DHRS4: variants seen among roughly 807,000 people sequenced by gnomAD.
DHRS4 encodes dehydrogenase/reductase SDR family member 4.
DHRS4 carries 20 observed loss-of-function variants against 28.4 expected under a neutral mutation model. The ratio of observed to expected loss-of-function variants is 0.71; its 90% confidence interval spans 0.50 to 1.02. The LOEUF is 1.02. DHRS4 is among the 50% of genes least tolerant of loss of function. The pLI is 0.00. For synonymous variants in DHRS4, 144 were observed against 146.4 expected, an observed-to-expected ratio of 0.98 and a Z score of 0.12; for missense variants, 378 against 367.2, an observed-to-expected ratio of 1.03 and a Z score of -0.24.
chr14:23,954,386 T>A (rs1179475787), intron 1 of DHRS4, among the ~76,000 whole-genome samples: 1 of 152,200 alleles, frequency 6.6e-6, no homozygotes, highest in Non-Finnish European at 1.5e-5. Context: ...TCGAGATTTT[T>A]GTTTAGGTCG....
In DHRS4 at chr14:23,967,396, G is replaced by A. The variant is rs1289993277; in HGVS notation, c.722+130G>A. 1.5e-5 allele frequency: 19 copies of A among 1,241,950 alleles called. No individual in the cohort carries two copies. The African/African-American group carries it at 1.6e-4, about 11-fold the overall frequency. The allele number at this position is 1,241,950 out of a possible 1,614,324, so 76.9% of individuals were successfully genotyped here. ...GGCTCTCTTCTGCCTCACAGACCAC[G>A]AATTCATAAACACTATCACTACAGT... On this transcript the variant is annotated intron_variant, in intron 7 of 7. Transcript: ENST00000313250.
At chr14:23,958,596 T>C (rs1265377575) in intron 2 of DHRS4, among the ~76,000 whole-genome samples, 1 of 152,220 alleles carries the variant, frequency 6.6e-6, no homozygotes, top group Admixed American at 6.5e-5. Flanking sequence ...GAATCTTTCA[T>C]GCCTCCAGGT....
chr14:23,967,145 C>G (rs2033656471), intron 6 of DHRS4, 66 bp from the exon 7 acceptor site: 2 of 1,551,426 alleles, frequency 1.3e-6, no homozygotes, highest in African/African-American at 2.8e-5. Context: ...AAGAGCAAGA[C>G]TCCGTCTCTA....
At chr14:23,961,787 G>A (rs77020403) in intron 3 of DHRS4, among the ~76,000 whole-genome samples, 55,238 of 109,396 alleles carry the variant, frequency 0.5, 17,270 homozygotes, top group African/African-American at 0.85. Flanking sequence ...TATTGGGATT[G>A]CAGGCATGAG....
rs377709673 is a variant in DHRS4 at position 23,967,256 on chromosome 14, C to A, written c.712C>A (p.Arg238=). 68 of 1,612,426 alleles carry A rather than the reference C, an allele frequency of 4.2e-5. No homozygotes were observed. The highest frequency in any genetic ancestry group is 2.2e-4 in the East Asian group (10 of 44,856). Residue 238 remains arginine, a synonymous_variant, in exon 7 of 8, where the codon CGG becomes AGG. Coordinates refer to ENST00000313250, the MANE Select transcript of DHRS4 (RefSeq NM_021004.4). ...AGAGGAAAGCATGAAAGAAACCCTG[C>A]GGATAAGAAGGTAAACTGTCATGAG... ...EKEESMKETL[R]IRRLGEPEDC...
At chr14:23,966,125 C>T (rs550469897) in intron 5 of DHRS4, 142 bp downstream of exon 5, 16 of 1,590,890 alleles carry the variant, frequency 1.0e-5, no homozygotes, top group East Asian at 4.5e-5. Context: ...CTTGCCTCCA[C>T]AAACCACAAC....
At chr14:23,968,643 C>G (rs1450705215) in intron 7 of DHRS4, 114 bp from the exon 8 acceptor site, 11 of 1,536,166 alleles carry the variant, frequency 7.2e-6, no homozygotes, top group Middle Eastern at 1.7e-4. Context: ...TACACTGACC[C>G]TGAAAAAGCC....
chr14:23,961,170 A>C (rs1264087442), intron 3 of DHRS4, among the ~76,000 whole-genome samples: 1 of 148,536 alleles, frequency 6.7e-6, no homozygotes, highest in Non-Finnish European at 1.5e-5. Flanking sequence ...ACTATATCAG[A>C]TGTCATCAAA....
intron 1 of DHRS4, chr14:23,954,166 T>G: frequency 7.7e-6 from 4 of 521,830 alleles, no homozygotes; most frequent in African/African-American, 1.9e-5. Context: ...CCTATCGATC[T>G]AGTCTCCCCA....
rs1885808 is a variant in DHRS4 at position 23,965,908 on chromosome 14, T to C, written c.480-24T>C. 8,733 of 1,595,870 alleles carry C rather than the reference T, an allele frequency of 5.5e-3. 162 individuals carry two copies. In the African/African-American group the frequency reaches 0.11, roughly 19 times the overall value. ...AGGGCACTGGTCCACAATGGGAAGA[T>C]GGTCAGCTCTCTTCTTTTTCCAGAG... On this transcript the variant is annotated intron_variant, in intron 4 of 7. Transcript: ENST00000313250.
chr14:23,954,581 T>C (rs2033011620), intron 1 of DHRS4, among the ~76,000 whole-genome samples: 2 of 152,242 alleles, frequency 1.3e-5, no homozygotes, highest in African/African-American at 4.8e-5. Flanking sequence ...AATATTTACA[T>C]TTTTGACCGG....
In DHRS4 at chr14:23,968,947, T is replaced by A. The variant is rs749048860; in HGVS notation, c.*76T>A. ...GTTCCCGCATTCACCCACTGGCCTT[T>A]CCCACCTCTGCTCACCTTACTGTTC... On this transcript the variant is annotated 3_prime_UTR_variant, in exon 8 of 8. Coordinates refer to ENST00000313250, the MANE Select transcript of DHRS4 (RefSeq NM_021004.4). The A allele has an allele frequency of 2.8e-4, 437 of 1,574,050 alleles. 7 individuals are homozygous for A. Among genetic ancestry groups the A allele is most frequent in the Non-Finnish European group, 3.6e-4 (419 of 1,159,744 alleles).
Position 23,961,704 on chromosome 14 carries a change from G to A in DHRS4, c.408+1701G>A, listed in dbSNP as rs1160845684. On this transcript the variant is annotated intron_variant, in intron 3 of 7. Transcript: ENST00000313250. ...TGGCTAATTTTTTGTATTGAGATGC[G>A]GTTTCACTGTGTTGCTCAGGCTGGT... 4.5e-5 allele frequency among the ~76,000 whole-genome samples: 4 copies of A among 87,962 alleles called. 1 individual carries two copies. The highest frequency in any genetic ancestry group is 4.3e-4 in the Admixed American group (4 of 9,354). The allele number at this position is 87,962 out of a possible 152,430, so 57.7% of individuals were successfully genotyped here.
At chr14:23,963,438 C>T (rs554197881) in intron 3 of DHRS4, among the ~76,000 whole-genome samples, 1 of 142,096 alleles carries the variant, frequency 7.0e-6, no homozygotes, top group African/African-American at 2.8e-5. Flanking sequence ...GCTGCTTCAT[C>T]TTGCACTTTT....
At chr14:23,967,584 G>A in intron 7 of DHRS4, 1 of 558,480 alleles carries the variant, frequency 1.8e-6, no homozygotes, top group Non-Finnish European at 3.3e-6. Flanking sequence ...CCAAAACCAT[G>A]CTTTGTTAGT....
At chr14:23,956,325 G>A (rs566308924) in intron 2 of DHRS4, among the ~76,000 whole-genome samples, 37 of 152,272 alleles carry the variant, frequency 2.4e-4, no homozygotes, top group African/African-American at 6.3e-4. Context: ...AAATCCTCCC[G>A]GAAAAACATC....
Position 23,955,086 on chromosome 14 carries a change from C to G in DHRS4, c.180C>G (p.Val60=). The change falls in exon 2 of 8, where the codon GTC becomes GTG. Residue 60 remains valine, a synonymous_variant. Coordinates refer to ENST00000313250, the MANE Select transcript of DHRS4 (RefSeq NM_021004.4). The part of the protein sequence containing the change: ...RRLAQDGAHV[V]VSSRKQQNVD... The stretch of plus-strand genomic sequence containing the variant: ...TGGCCCAGGACGGGGCCCATGTGGT[C>G]GTCAGCAGCCGGAAGCAGCAGAATG... 6.2e-7 allele frequency: 1 copy of G among 1,614,180 alleles called. No individual in the cohort carries two copies. Among genetic ancestry groups the G allele is most frequent in the South Asian group, 1.1e-5 (1 of 91,084 alleles).
rs536586387 is a variant in DHRS4, at chr14:23,966,388, G to A, written c.637G>A (p.Gly213Arg). ...RNIRVNCLAP[G>R]LIKTSFSRML... ...CATTAGGGTGAACTGCCTAGCACCT[G>A]GACTTATCAAGACTAGCTTCAGCAG... Residue 213 changes from glycine to arginine, a missense_variant, in exon 6 of 8, where the codon GGA (glycine) becomes AGA (arginine). Physicochemically the swap from Gly to Arg is moderately radical, Grantham distance 125. Transcript: ENST00000313250. 4 of 1,614,008 alleles carry A rather than the reference G, an allele frequency of 2.5e-6. No individual in the cohort carries two copies. Among genetic ancestry groups the A allele is most frequent in the East Asian group, 2.2e-5 (1 of 44,888 alleles).
chr14:23,960,609 C>G (rs1490383441), intron 3 of DHRS4, among the ~76,000 whole-genome samples: 1 of 151,700 alleles, frequency 6.6e-6, no homozygotes, highest in Non-Finnish European at 1.5e-5. Context: ...TGTATAATTA[C>G]ATTATATTCG....
Sources: allele counts gnomAD v4.1 joint callset (sites outside exome capture counted in the v4.1 genomes callset), GRCh38; gene constraint gnomAD v4.1.1; transcripts MANE v1.5; gene names NCBI Gene and HGNC (gene_info 2026-07-23, HGNC 2026-07-21).